The following GRIK1 variants were observed in gnomAD, a reference collection of about 807,000 sequenced individuals.
GRIK1 encodes the protein glutamate ionotropic receptor kainate type subunit 1.
A neutral mutation model predicts 105.7 loss-of-function variants in GRIK1; 69 were observed. The observed-to-expected ratio is 0.65, with a 90% CI of 0.54 to 0.80. The LOEUF is 0.80. GRIK1 is among the 30% of genes least tolerant of loss of function. The pLI is 0.00. For synonymous variants in GRIK1, 438 were observed against 431.3 expected, an observed-to-expected ratio of 1.02 and a Z score of -0.19; for missense variants, 1,109 against 1,167.3, an observed-to-expected ratio of 0.95 and a Z score of 0.73.
intron 1 of GRIK1, among the ~76,000 whole-genome samples, chr21:29,879,722 C>T (rs1203945619): frequency 2.6e-5 from 4 of 152,006 alleles, no homozygotes; most frequent in South Asian, 2.1e-4. Flanking sequence ...TTAGGAAAAA[C>T]GGTAGCTCTT....
chr21:29,763,025 A>G (rs2065566484), intron 1 of GRIK1, among the ~76,000 whole-genome samples: 1 of 152,132 alleles, frequency 6.6e-6, no homozygotes, highest in Non-Finnish European at 1.5e-5. Context: ...TCTCCTCCAA[A>G]GTAGTGCCAG....
intron 7 of GRIK1, among the ~76,000 whole-genome samples, chr21:29,637,893 T>C (rs1450109818): frequency 6.6e-6 from 1 of 152,218 alleles, no homozygotes; most frequent in Non-Finnish European, 1.5e-5. Context: ...CCTGGCTTCG[T>C]TGCAGTTGGC....
At chr21:29,811,819 T>C (rs536854005) in intron 1 of GRIK1, among the ~76,000 whole-genome samples, 5 of 152,318 alleles carry the variant, frequency 3.3e-5, no homozygotes, top group African/African-American at 1.2e-4. Flanking sequence ...GCTGAAGCCA[T>C]GCTGGCCTTC....
At position 29,689,975 on chromosome 21, in the gene GRIK1, C is replaced by T; in HGVS notation, c.297G>A (p.Gln99=). ...AGAGAGCAGCCACACCAAGAGCCAG[C>T]TGGTCACATGCTGATGCCCAAGGAC... ...SFEASRRACD[Q]LALGVAALFG... is the part of the protein sequence containing the mutation. Residue 99 remains glutamine, a synonymous_variant, in exon 3 of 18, where the codon CAG becomes CAA. Coordinates refer to ENST00000327783, the MANE Select transcript of GRIK1 (RefSeq NM_001330994.2). The T allele has an allele frequency of 6.4e-7, 1 of 1,555,742 alleles. No individual in the cohort carries two copies. Among genetic ancestry groups the T allele is most frequent in the East Asian group, 2.5e-5 (1 of 40,290 alleles).
At chr21:29,724,845 G>A (rs555974052) in intron 1 of GRIK1, among the ~76,000 whole-genome samples, 2 of 152,106 alleles carry the variant, frequency 1.3e-5, no homozygotes, top group African/African-American at 4.8e-5. Flanking sequence ...CTTAGCGTAT[G>A]TTTTATTTTG....
intron 1 of GRIK1, among the ~76,000 whole-genome samples, chr21:29,763,230 A>T (rs1291543111): frequency 6.6e-6 from 1 of 152,140 alleles, no homozygotes; most frequent in African/African-American, 2.4e-5. Context: ...AGTGTTTGGT[A>T]GTTCCTCCAG....
intron 1 of GRIK1, among the ~76,000 whole-genome samples, chr21:29,841,772 CTATTTCCTCT>C (rs2067990087): frequency 6.6e-6 from 1 of 152,116 alleles, no homozygotes; most frequent in Non-Finnish European, 1.5e-5. Context: ...GACAAATTTC[CTATTTCCTCT>C]ACAACTGCTT....
At chr21:29,762,556 A>G (rs1238518145) in intron 1 of GRIK1, among the ~76,000 whole-genome samples, 1 of 152,204 alleles carries the variant, frequency 6.6e-6, no homozygotes, top group African/African-American at 2.4e-5. Context: ...ATAGGAAAAG[A>G]GGTAAATAAC....
chr21:29,610,353 G>T (rs779030189), intron 7 of GRIK1, among the ~76,000 whole-genome samples: 2 of 151,982 alleles, frequency 1.3e-5, no homozygotes, highest in African/African-American at 4.8e-5. Context: ...TCTTAAAGTG[G>T]GGAGATCATC....
intron 7 of GRIK1, among the ~76,000 whole-genome samples, chr21:29,618,849 C>T (rs142141633): frequency 0.012 from 1,835 of 152,168 alleles, 25 homozygotes; most frequent in South Asian, 0.034. Context: ...TACAAGGGGC[C>T]GGGTGCGGTG....
chr21:29,923,918 A>T (rs1445061425), intron 1 of GRIK1, among the ~76,000 whole-genome samples: 1 of 152,198 alleles, frequency 6.6e-6, no homozygotes, highest in Non-Finnish European at 1.5e-5. Flanking sequence ...TGCAAAGTAG[A>T]CTCTAATAAC....
chr21:29,625,950 T>G (rs2062119257), intron 7 of GRIK1, among the ~76,000 whole-genome samples: 1 of 152,118 alleles, frequency 6.6e-6, no homozygotes, highest in Admixed American at 6.6e-5. Context: ...GTTGAAGCCC[T>G]AACCCCCAGC....
intron 1 of GRIK1, among the ~76,000 whole-genome samples, chr21:29,769,514 G>A (rs558539163): frequency 6.6e-6 from 1 of 152,246 alleles, no homozygotes; most frequent in African/African-American, 2.4e-5. Context: ...CTCATAAGGA[G>A]TGTGCAACCT....
At chr21:29,816,236 C>T (rs1403789379) in intron 1 of GRIK1, among the ~76,000 whole-genome samples, 3 of 151,812 alleles carry the variant, frequency 2.0e-5, no homozygotes, top group African/African-American at 7.3e-5. Flanking sequence ...CTAATCAAAA[C>T]CACAATGAGA....
At chr21:29,753,136 A>G (rs1308521181) in intron 1 of GRIK1, among the ~76,000 whole-genome samples, 3 of 152,214 alleles carry the variant, frequency 2.0e-5, no homozygotes, top group Non-Finnish European at 4.4e-5. Flanking sequence ...TACTTCATCC[A>G]TGTTTAGTGG....
intron 15 of GRIK1, among the ~76,000 whole-genome samples, chr21:29,557,750 A>C (rs979783826): frequency 1.2e-4 from 19 of 152,226 alleles, no homozygotes; most frequent in African/African-American, 4.3e-4. Context: ...ATATCCTCAG[A>C]ATAATGGCTA....
chr21:29,896,212 A>G (rs73898507), intron 1 of GRIK1, among the ~76,000 whole-genome samples: 1,580 of 152,320 alleles, frequency 0.01, 27 homozygotes, highest in African/African-American at 0.036. Flanking sequence ...ATTGTGTGCA[A>G]ACTGTTCTCC....
At chr21:29,818,526 A>G (rs1379188364) in intron 1 of GRIK1, among the ~76,000 whole-genome samples, 5 of 152,096 alleles carry the variant, frequency 3.3e-5, no homozygotes, top group Admixed American at 2.0e-4. Context: ...ATTCAGAATT[A>G]GAAACCCTAC....
chr21:29,933,080 A>G (rs2071629528), intron 1 of GRIK1, among the ~76,000 whole-genome samples: 1 of 152,164 alleles, frequency 6.6e-6, no homozygotes, highest in Non-Finnish European at 1.5e-5. Flanking sequence ...TTTTAAAGAA[A>G]AAATATTTAT....
Sources: gnomAD v4.1 joint callset for allele counts (sites outside exome capture counted in the v4.1 genomes callset) on GRCh38, gnomAD v4.1.1 for gene constraint, MANE v1.5 for transcripts, NCBI Gene and HGNC (gene_info 2026-07-23, HGNC 2026-07-21) for gene names.